The following DLG1 variants were observed in gnomAD, a reference collection of about 807,000 sequenced individuals.
The protein encoded by DLG1 is disks large homolog 1.
DLG1 carries 42 observed loss-of-function variants against 123.4 expected under a neutral mutation model. That is an observed-to-expected ratio of 0.34 (90% CI 0.27 to 0.44). DLG1 has a LOEUF of 0.44. Ranked by LOEUF, DLG1 falls within the 20% of genes least tolerant of loss-of-function variation. The probability of loss-of-function intolerance (pLI) is 1.00; values close to 1 mark genes in which losing one functional copy is unlikely to be tolerated. For synonymous variants in DLG1, 317 were observed against 356.2 expected (o/e 0.89, Z 1.24); for missense variants, 942 against 1,082.6 (o/e 0.87, Z 1.82).
In DLG1 at chr3:197,059,235, A is replaced by C. The variant is rs1734103453; in HGVS notation, c.2483+654T>G. Among the ~76,000 whole-genome samples the C allele has an allele frequency of 2.0e-5, 3 of 152,202 alleles. No individual in the cohort carries two copies. In the South Asian group the frequency reaches 6.2e-4, roughly 32 times the overall value. On this transcript the variant is annotated intron_variant, in intron 23 of 24. Transcript: ENST00000667157. ...CCACTGTGCCCAGCCATGAAATGTCACTCTGAAGCTAAGTAATACTTCTTG... is the reference window on the plus strand; with the variant it reads ...CCACTGTGCCCAGCCATGAAATGTCCCTCTGAAGCTAAGTAATACTTCTTG...
At chr3:197,141,282 G>A (rs899243139) in intron 7 of DLG1, among the ~76,000 whole-genome samples, 1 of 152,056 alleles carries the variant, frequency 6.6e-6, no homozygotes, top group Non-Finnish European at 1.5e-5. Flanking sequence ...AAATTACTTA[G>A]GTACTCAAGT....
At chr3:197,079,116 G>T (rs1400104250) in intron 17 of DLG1, among the ~76,000 whole-genome samples, 1 of 151,716 alleles carries the variant, frequency 6.6e-6, no homozygotes, top group Non-Finnish European at 1.5e-5. Flanking sequence ...CTGAAGACTT[G>T]CTACCTCCAG....
At position 197,044,701 on chromosome 3, in the gene DLG1, G is replaced by A; in HGVS notation, c.2604C>T (p.Asp868=). The part of the protein sequence containing the change: ...TAIVQGDTLE[D]IYNQVKQIIE... Reference sequence around the variant, plus strand: ...TGATCTGTTTCACTTGGTTGTAAATGTCTTCCAGCGTATCCCCCTGTACAA... The same window carrying A: ...TGATCTGTTTCACTTGGTTGTAAATATCTTCCAGCGTATCCCCCTGTACAA... The change falls in exon 25 of 25, where the codon GAC becomes GAT. Residue 868 remains aspartate, a synonymous_variant. Transcript: ENST00000667157. The A allele has an allele frequency of 1.2e-6, 2 of 1,606,520 alleles. No individual in the cohort carries two copies. The highest frequency in any genetic ancestry group is 1.7e-6 in the Non-Finnish European group (2 of 1,175,292).
intron 6 of DLG1, among the ~76,000 whole-genome samples, chr3:197,148,286 C>T (rs995660663): frequency 3.0e-5 from 4 of 135,354 alleles, no homozygotes; most frequent in Non-Finnish European, 6.3e-5. Context: ...GGCACGTGTC[C>T]GTGTTCCCAA....
chr3:197,055,245 T>A (rs189882385), intron 23 of DLG1, among the ~76,000 whole-genome samples: 24 of 152,352 alleles, frequency 1.6e-4, no homozygotes, highest in Admixed American at 1.5e-3. Context: ...GCCACTGCGC[T>A]GGGCCTATCA....
chr3:197,262,755 T>A (rs1010413652), intron 4 of DLG1, among the ~76,000 whole-genome samples: 4 of 152,166 alleles, frequency 2.6e-5, no homozygotes, highest in Non-Finnish European at 4.4e-5. Context: ...ACCCAGTAGG[T>A]GTCCACTGGA....
chr3:197,084,942 A>G (rs552719271), intron 16 of DLG1, among the ~76,000 whole-genome samples: 272 of 151,562 alleles, frequency 1.8e-3, no homozygotes, highest in Non-Finnish European at 3.4e-3. Context: ...GTGTGCCTCC[A>G]TGCCCAGGTA....
At chr3:197,248,232 C>T (rs1362670353) in intron 4 of DLG1, among the ~76,000 whole-genome samples, 1 of 152,198 alleles carries the variant, frequency 6.6e-6, no homozygotes, top group African/African-American at 2.4e-5. Flanking sequence ...TTGATCTCGA[C>T]CACCAAGGAA....
chr3:197,274,527 C>G, intron 4 of DLG1, among the ~76,000 whole-genome samples: 1 of 151,980 alleles, frequency 6.6e-6, no homozygotes, highest in Middle Eastern at 3.4e-3. Flanking sequence ...CGATACGATA[C>G]GAAAACATTG....
intron 14 of DLG1, among the ~76,000 whole-genome samples, chr3:197,097,083 A>T (rs1452443487): frequency 6.6e-6 from 1 of 152,082 alleles, no homozygotes; most frequent in Non-Finnish European, 1.5e-5. Flanking sequence ...ATTAATCTGA[A>T]CCTTCTATTT....
At chr3:197,088,642 G>T (rs540761474) in intron 15 of DLG1, among the ~76,000 whole-genome samples, 1 of 152,294 alleles carries the variant, frequency 6.6e-6, no homozygotes, top group East Asian at 1.9e-4. Flanking sequence ...TATACAGCAC[G>T]TTTACAGAGG....
intron 18 of DLG1, among the ~76,000 whole-genome samples, chr3:197,072,696 A>C (rs1744791965): frequency 6.7e-6 from 1 of 149,512 alleles, no homozygotes; most frequent in South Asian, 2.1e-4. Context: ...AAAAAAAAAC[A>C]AAAAAACAAA....
intron 3 of DLG1, among the ~76,000 whole-genome samples, chr3:197,292,547 A>AT (rs748926733): frequency 1.3e-5 from 2 of 152,216 alleles, no homozygotes; most frequent in Middle Eastern, 3.2e-3. Flanking sequence ...ATATGAATAC[A>AT]TTTCACACTC....
chr3:197,145,458 C>T (rs1048274396), intron 6 of DLG1, among the ~76,000 whole-genome samples: 2 of 152,176 alleles, frequency 1.3e-5, no homozygotes, highest in South Asian at 2.1e-4. Context: ...TCAAAATTTA[C>T]CAATTTTCCT....
At chr3:197,054,961 G>A (rs1227071361) in intron 23 of DLG1, among the ~76,000 whole-genome samples, 1 of 151,950 alleles carries the variant, frequency 6.6e-6, no homozygotes, top group Admixed American at 6.6e-5. Context: ...GATTACAGAT[G>A]CCCGCCACCA....
At chr3:197,283,274 G>C (rs1453100910) in intron 3 of DLG1, among the ~76,000 whole-genome samples, 1 of 152,088 alleles carries the variant, frequency 6.6e-6, no homozygotes, top group Non-Finnish European at 1.5e-5. Context: ...CTACAGATAG[G>C]AGTTATTACC....
At chr3:197,228,714 T>C (rs965782674) in intron 4 of DLG1, among the ~76,000 whole-genome samples, 12 of 152,238 alleles carry the variant, frequency 7.9e-5, no homozygotes, top group Admixed American at 7.2e-4. Context: ...CTTAGGCTGT[T>C]CTGCTTTTTA....
chr3:197,283,609 G>A (rs765303334), intron 3 of DLG1, among the ~76,000 whole-genome samples: 66 of 152,074 alleles, frequency 4.3e-4, no homozygotes, highest in Admixed American at 9.2e-4. Flanking sequence ...CCGCTATTCC[G>A]AAGCTGTAAG....
chr3:197,089,670 T>C (rs1467208895), intron 15 of DLG1, among the ~76,000 whole-genome samples: 1 of 151,692 alleles, frequency 6.6e-6, no homozygotes, highest in Non-Finnish European at 1.5e-5. Context: ...CAAGTACAAA[T>C]AAAAGGCAAC....
Sources: allele counts gnomAD v4.1 joint callset (sites outside exome capture counted in the v4.1 genomes callset), GRCh38; gene constraint gnomAD v4.1.1; transcripts MANE v1.5; gene names NCBI Gene and HGNC (gene_info 2026-07-23, HGNC 2026-07-21).